Variants in EYS observed in about 807,000 individuals in gnomAD.
EYS encodes the protein protein eyes shut homolog.
In EYS, 250 loss-of-function variants were observed where a neutral mutation model predicts 282.1. The ratio of observed to expected loss-of-function variants is 0.89; its 90% confidence interval spans 0.80 to 0.98. The LOEUF is 0.98. Among genes scored for constraint, EYS ranks in the 50% least tolerant of loss-of-function variants. EYS has a pLI of 0.00. For missense variants in EYS, 4,016 were observed against 3,709.0 expected, an observed-to-expected ratio of 1.08 and a Z score of -2.15; for synonymous variants, 1,355 against 1,282.9, an observed-to-expected ratio of 1.06 and a Z score of -1.20.
intron 13 of EYS, among the ~76,000 whole-genome samples, chr6:64,998,787 T>C (rs901973165): frequency 1.3e-5 from 2 of 152,236 alleles, no homozygotes; most frequent in African/African-American, 4.8e-5. Context: ...TATTTTTTAT[T>C]TTAACATATT....
intron 41 of EYS, among the ~76,000 whole-genome samples, chr6:63,727,706 C>CAAAAAAAAA (rs1169878020): frequency 6.3e-4 from 6 of 9,526 alleles, no homozygotes; most frequent in Non-Finnish European, 6.6e-4. Context: ...CACCATCTCT[C>CAAAAAAAAA]AAAAAAAAAA....
At chr6:65,143,047 G>A (rs1038153320) in intron 12 of EYS, among the ~76,000 whole-genome samples, 1 of 151,836 alleles carries the variant, frequency 6.6e-6, no homozygotes, top group African/African-American at 2.4e-5. Flanking sequence ...ATCCAGGAGG[G>A]GAAAAATGTA....
At chr6:65,697,850 C>T (rs553913584) in intron 1 of EYS, among the ~76,000 whole-genome samples, 2 of 152,204 alleles carry the variant, frequency 1.3e-5, no homozygotes, top group East Asian at 1.9e-4. Context: ...TCCCTAGTCA[C>T]AGTTTATAAG....
chr6:65,041,824 T>C (rs1772946572), intron 13 of EYS, among the ~76,000 whole-genome samples: 1 of 151,518 alleles, frequency 6.6e-6, no homozygotes, highest in Non-Finnish European at 1.5e-5. Flanking sequence ...ACAGTTTCCA[T>C]TTCTCCAGCT....
In EYS at chr6:64,313,469, A is replaced by G. The variant is rs147003393; in HGVS notation, c.6079-6387T>C. 1.3e-3 allele frequency among the ~76,000 whole-genome samples: 203 copies of G among 152,278 alleles called. 1 individual carries two copies. Among genetic ancestry groups the G allele is most frequent in the Admixed American group, 8.8e-3 (135 of 15,294 alleles). On this transcript the variant is annotated intron_variant, in intron 29 of 42. Transcript: ENST00000503581. ...ATTGGAAAACACTCTGCAGGATATT[A>G]TCCAGGAGAACTTCCCCAACCTAAC...
At position 64,395,531 on chromosome 6, in the gene EYS, A is replaced by G. The variant is rs1243767528; in HGVS notation, c.5928-6691T>C. 4.0e-5 allele frequency among the ~76,000 whole-genome samples: 6 copies of G among 151,796 alleles called. No homozygotes were observed. In the South Asian group the frequency reaches 6.2e-4, roughly 16 times the overall value. ...ATCATTCTCAGTAAACTATCGCAAGAACAAAAAACCAAACACCGCATATTC... is the reference window on the plus strand; with the variant it reads ...ATCATTCTCAGTAAACTATCGCAAGGACAAAAAACCAAACACCGCATATTC... On this transcript the variant is annotated intron_variant, in intron 28 of 42. Coordinates refer to ENST00000503581, the MANE Select transcript of EYS (RefSeq NM_001142800.2).
intron 7 of EYS, among the ~76,000 whole-genome samples, chr6:65,391,852 C>T (rs1371568805): frequency 2.1e-4 from 32 of 152,196 alleles, no homozygotes; most frequent in South Asian, 4.2e-4. Context: ...AAAAAGAGCC[C>T]GCATTGCCAA....
At chr6:65,261,495 C>T (rs1767619330) in intron 12 of EYS, among the ~76,000 whole-genome samples, 1 of 152,014 alleles carries the variant, frequency 6.6e-6, no homozygotes, top group South Asian at 2.1e-4. Context: ...ATGTTCCAAG[C>T]AATAGTAAAC....
At chr6:65,373,250 T>C (rs1285452646) in intron 8 of EYS, among the ~76,000 whole-genome samples, 5 of 152,186 alleles carry the variant, frequency 3.3e-5, no homozygotes, top group Non-Finnish European at 5.9e-5. Flanking sequence ...TTTCAATTTA[T>C]CCCTGGGCCA....
At chr6:65,467,643 A>C (rs1321414105) in intron 5 of EYS, among the ~76,000 whole-genome samples, 2 of 152,128 alleles carry the variant, frequency 1.3e-5, no homozygotes, top group African/African-American at 2.4e-5. Context: ...TTAACAGTAT[A>C]CTGTCTGTTC....
At chr6:65,603,005 T>C (rs767329019) in intron 2 of EYS, among the ~76,000 whole-genome samples, 4 of 152,022 alleles carry the variant, frequency 2.6e-5, no homozygotes, top group African/African-American at 4.8e-5. Context: ...ATGGTTTTGA[T>C]TGGGTTTAGG....
intron 2 of EYS, among the ~76,000 whole-genome samples, chr6:65,532,721 G>A (rs1186285762): frequency 2.0e-5 from 3 of 152,088 alleles, no homozygotes; most frequent in African/African-American, 4.8e-5. Context: ...TGATTCTAAT[G>A]CTTCCCTTTC....
chr6:63,867,569 G>A (rs1428283531), intron 35 of EYS, among the ~76,000 whole-genome samples: 2 of 152,166 alleles, frequency 1.3e-5, no homozygotes, highest in African/African-American at 4.8e-5. Context: ...TGGTGAATAA[G>A]ACTCGCTTTT....
At chr6:64,147,507 C>T (rs930834900) in intron 31 of EYS, among the ~76,000 whole-genome samples, 1 of 152,182 alleles carries the variant, frequency 6.6e-6, no homozygotes, top group Admixed American at 6.6e-5. Flanking sequence ...ATGCCAGGCA[C>T]TGTGGCACTG....
chr6:64,795,847 C>T (rs1210784539), intron 22 of EYS, among the ~76,000 whole-genome samples: 1 of 152,156 alleles, frequency 6.6e-6, no homozygotes, highest in Non-Finnish European at 1.5e-5. Flanking sequence ...CATATACATG[C>T]TCAGATCTGC....
chr6:64,680,584 C>T (rs1267958770), intron 22 of EYS, among the ~76,000 whole-genome samples: 1 of 152,194 alleles, frequency 6.6e-6, no homozygotes, highest in Non-Finnish European at 1.5e-5. Context: ...CATTTATCTG[C>T]TTAAACGTTG....
chr6:65,186,586 A>C (rs1765521980), intron 12 of EYS, among the ~76,000 whole-genome samples: 1 of 151,968 alleles, frequency 6.6e-6, no homozygotes, highest in Non-Finnish European at 1.5e-5. Flanking sequence ...AATGATGGAG[A>C]TAAAAGTACT....
rs1404914188 is a variant in EYS at position 64,194,690 on chromosome 6, A to G, written c.6424+35902T>C. Among the ~76,000 whole-genome samples, 3 of 152,294 alleles carry G rather than the reference A, an allele frequency of 2.0e-5. No homozygotes were observed. The East Asian group carries it at 5.8e-4, about 29-fold the overall frequency. ...ATTTTCAGGGATATTTCTTGTGATT[A>G]GCAACAACGTATATTCTATGGTGGT... is the stretch of plus-strand genomic sequence containing the variant. On this transcript the variant is annotated intron_variant, in intron 31 of 42. Coordinates refer to ENST00000503581, the MANE Select transcript of EYS (RefSeq NM_001142800.2).
chr6:64,241,091 G>A (rs115820720), intron 30 of EYS, among the ~76,000 whole-genome samples: 2,326 of 152,188 alleles, frequency 0.015, 56 homozygotes, highest in African/African-American at 0.053. Flanking sequence ...GCATCCCAGG[G>A]ATGAAGCCGA....
Sources: gnomAD v4.1 joint callset for allele counts (sites outside exome capture counted in the v4.1 genomes callset) on GRCh38, gnomAD v4.1.1 for gene constraint, MANE v1.5 for transcripts, NCBI Gene and HGNC (gene_info 2026-07-23, HGNC 2026-07-21) for gene names.